Variants in NELL1 observed in about 807,000 individuals in gnomAD.
The protein encoded by NELL1 is neural EGFL like 1.
Under a neutral mutation model 107.4 loss-of-function variants are expected in NELL1, and 76 were observed. The ratio of observed to expected loss-of-function variants is 0.71; its 90% CI spans 0.59 to 0.86. NELL1 has a LOEUF of 0.86. Among genes scored for constraint, NELL1 ranks in the 40% least tolerant of loss-of-function variants. The probability of loss-of-function intolerance (pLI) is 0.00; values close to 1 mark genes in which losing one functional copy is unlikely to be tolerated. For missense variants in NELL1, 1,024 were observed against 1,005.5 expected, an observed-to-expected ratio of 1.02 and a Z score of -0.25; for synonymous variants, 353 against 341.2, an observed-to-expected ratio of 1.03 and a Z score of -0.38.
Position 21,019,629 on chromosome 11 carries a change from C to T in NELL1, c.1300+59069C>T, listed in dbSNP as rs544636137. Among the ~76,000 whole-genome samples, 16 of 152,162 alleles carry T rather than the reference C, an allele frequency of 1.1e-4. No individual in the cohort carries two copies. In the East Asian group the frequency reaches 3.1e-3, roughly 30 times the overall value. ...GCTCCTGGCATCTGATGGGTAGAGGCCACCAATGCTGCTGAACATTCTACA... is the reference window on the plus strand; with the variant it reads ...GCTCCTGGCATCTGATGGGTAGAGGTCACCAATGCTGCTGAACATTCTACA... On this transcript the variant is annotated intron_variant, in intron 12 of 19. Coordinates refer to ENST00000357134, the MANE Select transcript of NELL1 (RefSeq NM_006157.5).
intron 14 of NELL1, among the ~76,000 whole-genome samples, chr11:21,239,731 G>A (rs1170532700): frequency 3.3e-5 from 5 of 151,994 alleles, no homozygotes; most frequent in Non-Finnish European, 7.4e-5. Context: ...GGGACAGTGT[G>A]GGAATCACAG....
At chr11:21,460,036 T>G (rs1380147084) in intron 15 of NELL1, among the ~76,000 whole-genome samples, 1 of 152,050 alleles carries the variant, frequency 6.6e-6, no homozygotes, top group Non-Finnish European at 1.5e-5. Flanking sequence ...ATAAAAGGCT[T>G]TATTAATGTG....
At chr11:21,229,960 G>A (rs1371546389) in intron 14 of NELL1, among the ~76,000 whole-genome samples, 1 of 152,148 alleles carries the variant, frequency 6.6e-6, no homozygotes, top group Non-Finnish European at 1.5e-5. Context: ...AGGGCATTCA[G>A]CATCTGGTCC....
At chr11:21,516,071 G>A (rs1855554466) in intron 15 of NELL1, among the ~76,000 whole-genome samples, 1 of 152,172 alleles carries the variant, frequency 6.6e-6, no homozygotes, top group Non-Finnish European at 1.5e-5. Flanking sequence ...CACAGAAGAA[G>A]GTGGAAGAAA....
intron 13 of NELL1, among the ~76,000 whole-genome samples, chr11:21,170,811 A>T (rs1012226581): frequency 1.3e-4 from 19 of 151,486 alleles, no homozygotes; most frequent in African/African-American, 4.4e-4. Context: ...ATTTCATGGC[A>T]CTTGACTCCA....
chr11:21,533,375 T>C (rs891619241), intron 15 of NELL1, among the ~76,000 whole-genome samples: 4 of 152,206 alleles, frequency 2.6e-5, no homozygotes, highest in African/African-American at 9.6e-5. Context: ...TAGATTCCAA[T>C]GTTAATTAAA....
intron 2 of NELL1, among the ~76,000 whole-genome samples, chr11:20,686,088 AAAAC>A (rs1468777882): frequency 1.3e-5 from 2 of 152,142 alleles, no homozygotes; most frequent in African/African-American, 4.8e-5. Context: ...GTGTAAAAAA[AAAAC>A]AGTTCATTAT....
chr11:20,997,327 G>A (rs1408247440), intron 12 of NELL1, among the ~76,000 whole-genome samples: 3 of 152,156 alleles, frequency 2.0e-5, no homozygotes, highest in Non-Finnish European at 4.4e-5. Flanking sequence ...TAAAGGACAA[G>A]ATACAGTAAC....
At chr11:21,530,715 A>G (rs1216205211) in intron 15 of NELL1, among the ~76,000 whole-genome samples, 8 of 152,140 alleles carry the variant, frequency 5.3e-5, no homozygotes, top group African/African-American at 1.7e-4. Context: ...AATAGAAACT[A>G]CATAATGTCT....
At chr11:20,845,279 A>G (rs1218971240) in intron 3 of NELL1, among the ~76,000 whole-genome samples, 1 of 152,162 alleles carries the variant, frequency 6.6e-6, no homozygotes, top group Non-Finnish European at 1.5e-5. Context: ...CCCCAATGTA[A>G]TCACTGACTC....
At chr11:20,710,304 A>G (rs1160146678) in intron 2 of NELL1, among the ~76,000 whole-genome samples, 1 of 152,134 alleles carries the variant, frequency 6.6e-6, no homozygotes, top group Non-Finnish European at 1.5e-5. Context: ...ATGTATTCAG[A>G]TGATCATATA....
chr11:21,292,745 G>T (rs1459095600), intron 14 of NELL1, among the ~76,000 whole-genome samples: 4 of 152,132 alleles, frequency 2.6e-5, no homozygotes, highest in South Asian at 2.1e-4. Context: ...TAGACCAATG[G>T]AACAGAACAG....
intron 2 of NELL1, among the ~76,000 whole-genome samples, chr11:20,771,506 T>C (rs932343395): frequency 6.6e-6 from 1 of 152,176 alleles, no homozygotes; most frequent in African/African-American, 2.4e-5. Context: ...GTTTGACATA[T>C]CGCTTTGCAG....
At chr11:20,816,698 G>A (rs775492495) in intron 3 of NELL1, among the ~76,000 whole-genome samples, 22 of 152,200 alleles carry the variant, frequency 1.4e-4, no homozygotes, top group Non-Finnish European at 1.5e-4. Flanking sequence ...TGGTAAGCAT[G>A]GGCATCCTTG....
chr11:20,810,122 A>G (rs754812990), intron 3 of NELL1, among the ~76,000 whole-genome samples: 3 of 150,934 alleles, frequency 2.0e-5, no homozygotes, highest in Non-Finnish European at 4.4e-5. Context: ...TTTTTTTTTC[A>G]TATATCTGTT....
chr11:20,969,047 T>C (rs1263093131), intron 12 of NELL1, among the ~76,000 whole-genome samples: 1 of 152,202 alleles, frequency 6.6e-6, no homozygotes, highest in Non-Finnish European at 1.5e-5. Flanking sequence ...TCATTAATTA[T>C]AAGCGTTTTA....
intron 14 of NELL1, among the ~76,000 whole-genome samples, chr11:21,291,884 T>C (rs1467846136): frequency 2.0e-5 from 3 of 152,156 alleles, no homozygotes; most frequent in Non-Finnish European, 4.4e-5. Context: ...CACCCCTTCA[T>C]GCTAAAAACT....
chr11:20,993,849 G>A (rs995806367), intron 12 of NELL1, among the ~76,000 whole-genome samples: 1 of 150,830 alleles, frequency 6.6e-6, no homozygotes, highest in Non-Finnish European at 1.5e-5. Context: ...CGGGGGATGG[G>A]GGACCCATGG....
intron 14 of NELL1, among the ~76,000 whole-genome samples, chr11:21,329,995 A>T (rs1850235235): frequency 6.6e-6 from 1 of 152,070 alleles, no homozygotes; most frequent in Non-Finnish European, 1.5e-5. Context: ...AGAAGAAAAT[A>T]AATTATATGT....
Sources: allele counts gnomAD v4.1 joint callset (sites outside exome capture counted in the v4.1 genomes callset), GRCh38; gene constraint gnomAD v4.1.1; transcripts MANE v1.5; gene names NCBI Gene and HGNC (gene_info 2026-07-23, HGNC 2026-07-21).